The following N4BP2L1 variants were observed in gnomAD, a reference collection of about 807,000 sequenced individuals.
N4BP2L1 encodes NEDD4 binding protein 2 like 1, also known as NEDD4-binding protein 2-like 1.
A neutral mutation model predicts 21.2 loss-of-function variants in N4BP2L1; 12 were observed. The ratio of observed to expected loss-of-function variants is 0.57; its 90% confidence interval spans 0.36 to 0.92. N4BP2L1 has a LOEUF of 0.92. N4BP2L1 is among the 40% of genes least tolerant of loss of function. The pLI, the probability that N4BP2L1 is intolerant of heterozygous loss-of-function variation, is 0.01. For missense variants in N4BP2L1, 259 were observed against 310.6 expected (o/e 0.83, Z 1.25); for synonymous variants, 104 against 112.8 (o/e 0.92, Z 0.49).
In N4BP2L1 at chr13:32,402,007, C is replaced by G. The variant is rs2073154945; in HGVS notation, c.*935G>C. The G allele has an allele frequency of 1.0e-6, 1 of 985,304 alleles. No homozygotes were observed. The highest frequency in any genetic ancestry group is 1.7e-5 in the African/African-American group (1 of 57,246). 61.0% of individuals were successfully genotyped at this position (985,304 alleles called of 1,614,324 possible). On this transcript the variant is annotated 3_prime_UTR_variant, in exon 5 of 5. Transcript: ENST00000380130. ...AATGCCACATAAAACATCAACTGCT[C>G]ATTTTGTAATGAGCATGGCTTTTAT...
chr13:32,425,148 C>T (rs549140636), intron 1 of N4BP2L1: 1 of 152,260 alleles, frequency 6.6e-6, no homozygotes, highest in Non-Finnish European at 1.5e-5. Flanking sequence ...TACAGTTTTA[C>T]TATTTTCTAT....
In N4BP2L1 at chr13:32,401,157, C is replaced by CA. The variant is rs1396948258; in HGVS notation, c.*1784dup. The CA allele has an allele frequency of 6.6e-6, 1 of 152,140 alleles. No homozygotes were observed. The highest frequency in any genetic ancestry group is 1.5e-5 in the Non-Finnish European group (1 of 68,050). The allele number at this position is 152,140 out of a possible 1,614,324, so 9.4% of individuals were successfully genotyped here. ...GTCCTTTGAACCGCTCATGTGAAAT[C>CA]AAAGGATGGTAATTTCCACTTTGAG... is the stretch of plus-strand genomic sequence containing the variant. On this transcript the variant is annotated 3_prime_UTR_variant, in exon 5 of 5. Coordinates refer to ENST00000380130, the MANE Select transcript of N4BP2L1 (RefSeq NM_052818.3).
Position 32,401,543 on chromosome 13 carries a change from TC to T in N4BP2L1, c.*1398del, listed in dbSNP as rs1566267541. On this transcript the variant is annotated 3_prime_UTR_variant, in exon 5 of 5. Coordinates refer to ENST00000380130, the MANE Select transcript of N4BP2L1 (RefSeq NM_052818.3). ...GTTAAAACAGTCTCATGTACACAGA[TC>T]AAATATATAAGCAACTAAATTATAA... 1.3e-5 allele frequency: 2 copies of T among 152,238 alleles called. No individual in the cohort carries two copies. Among genetic ancestry groups the T allele is most frequent in the Non-Finnish European group, 2.9e-5 (2 of 68,034 alleles). The allele number at this position is 152,238 out of a possible 1,614,324, so 9.4% of individuals were successfully genotyped here. A position where few individuals can be genotyped will look rare whatever the true frequency, so the allele number is the denominator to read the frequency against.
At chr13:32,407,906 A>T in intron 1 of N4BP2L1, 134 bp from the exon 2 acceptor site, 1 of 991,584 alleles carries the variant, frequency 1.0e-6, no homozygotes, top group East Asian at 2.5e-5. Flanking sequence ...GTTAAAATGC[A>T]GTTTCAAAAG....
Position 32,428,009 on chromosome 13 carries a change from G to A in N4BP2L1, c.74C>T (p.Pro25Leu), listed in dbSNP as rs779266995. The A allele has an allele frequency of 3.8e-6, 6 of 1,560,352 alleles. No individual in the cohort carries two copies. The highest frequency in any genetic ancestry group is 1.4e-5 in the African/African-American group (1 of 71,226). Residue 25 changes from proline (P) to leucine (L), a missense_variant, in exon 1 of 5, where the codon CCG becomes CTG. Physicochemically the swap from Pro to Leu is moderately conservative, Grantham distance 98. Coordinates refer to ENST00000380130, the MANE Select transcript of N4BP2L1 (RefSeq NM_052818.3). Reference protein sequence around the residue: ...QPQQQQQRQRPPRPPPRGTPP... With the variant: ...QPQQQQQRQRLPRPPPRGTPP... ...TGTCCCCCGCGGGGGCGGCCGGGGCGGCCGCTGCCGCTGCTGCTGCTGCTG... is the reference window on the plus strand; with the variant it reads ...TGTCCCCCGCGGGGGCGGCCGGGGCAGCCGCTGCCGCTGCTGCTGCTGCTG...
At chr13:32,425,037 T>A (rs551097980) in intron 1 of N4BP2L1, 3 of 152,266 alleles carry the variant, frequency 2.0e-5, no homozygotes, top group East Asian at 1.9e-4. Flanking sequence ...AAGAAAAAAA[T>A]TTTTATTCTA....
chr13:32,403,335 T>C (rs1425272522), intron 4 of N4BP2L1, 135 bp from the exon 5 acceptor site: 1 of 909,760 alleles, frequency 1.1e-6, no homozygotes, highest in Admixed American at 2.9e-5. Context: ...ATAACAAACA[T>C]CTTGTTCAGC....
chr13:32,404,028 T>C (rs188451477), intron 4 of N4BP2L1, among the ~76,000 whole-genome samples: 2 of 152,338 alleles, frequency 1.3e-5, no homozygotes, highest in Admixed American at 1.3e-4. Flanking sequence ...CCCATGCAGA[T>C]AAAGTGCTTT....
At chr13:32,412,776 C>T (rs1277654280) in intron 1 of N4BP2L1, among the ~76,000 whole-genome samples, 1 of 152,122 alleles carries the variant, frequency 6.6e-6, no homozygotes, top group Non-Finnish European at 1.5e-5. Flanking sequence ...AAAATTAAGG[C>T]AGAGTGCCCT....
At chr13:32,418,136 C>G (rs1276089612) in intron 1 of N4BP2L1, among the ~76,000 whole-genome samples, 1 of 152,154 alleles carries the variant, frequency 6.6e-6, no homozygotes, top group Non-Finnish European at 1.5e-5. Context: ...TTCATGGCAG[C>G]CTCTCCCATC....
intron 1 of N4BP2L1, among the ~76,000 whole-genome samples, chr13:32,421,582 G>T (rs1276367931): frequency 2.0e-5 from 3 of 152,078 alleles, no homozygotes; most frequent in East Asian, 1.9e-4. Flanking sequence ...AAATAAAAAT[G>T]ACTACATCCC....
chr13:32,425,201 C>T (rs2074695075), intron 1 of N4BP2L1: 1 of 152,188 alleles, frequency 6.6e-6, no homozygotes, highest in Non-Finnish European at 1.5e-5. Context: ...TCTTCTTCCC[C>T]ACCCTACCTC....
intron 1 of N4BP2L1, among the ~76,000 whole-genome samples, chr13:32,409,309 A>G (rs1026628916): frequency 6.6e-6 from 1 of 152,270 alleles, no homozygotes; most frequent in African/African-American, 2.4e-5. Flanking sequence ...GGCAGCATAG[A>G]TCACTGAAAT....
chr13:32,421,414 T>C (rs955936219), intron 1 of N4BP2L1, among the ~76,000 whole-genome samples: 2 of 151,768 alleles, frequency 1.3e-5, no homozygotes, highest in Non-Finnish European at 2.9e-5. Flanking sequence ...ATCCTGGCTA[T>C]ACAATCATAC....
chr13:32,424,616 C>T lies in N4BP2L1; in HGVS notation c.179+3288G>A, dbSNP rs557380476. On this transcript the variant is annotated intron_variant, in intron 1 of 4. Transcript: ENST00000380130. ...AAGTGCTGGGATTACAGGCATGAGC[C>T]ACCGCTCCACCCTCCAATTATTTCT... is the stretch of plus-strand genomic sequence containing the variant. Among the ~76,000 whole-genome samples, 3 of 152,344 alleles carry T rather than the reference C, an allele frequency of 2.0e-5. No individual in the cohort carries two copies. The East Asian group carries it at 5.8e-4, about 29-fold the overall frequency.
intron 4 of N4BP2L1, among the ~76,000 whole-genome samples, chr13:32,404,039 T>C (rs2073318161): frequency 6.6e-6 from 1 of 152,232 alleles, no homozygotes; most frequent in Non-Finnish European, 1.5e-5. Flanking sequence ...AAAGTGCTTT[T>C]AAATGTTCCT....
At chr13:32,412,100 A>G (rs1416974418) in intron 1 of N4BP2L1, among the ~76,000 whole-genome samples, 1 of 151,630 alleles carries the variant, frequency 6.6e-6, no homozygotes, top group African/African-American at 2.4e-5. Flanking sequence ...CCCACATTGT[A>G]TTTGGTTGCC....
chr13:32,403,426 A>G (rs1285019701), intron 4 of N4BP2L1, among the ~76,000 whole-genome samples: 1 of 152,160 alleles, frequency 6.6e-6, no homozygotes, highest in Non-Finnish European at 1.5e-5. Context: ...AAGGAGCTAA[A>G]GCTTCAGAAA....
chr13:32,400,922 AT>A lies in N4BP2L1; in HGVS notation c.*2019del, dbSNP rs2073099203. On this transcript the variant is annotated 3_prime_UTR_variant, in exon 5 of 5. Transcript: ENST00000380130. ...TTCTACAGGGGATAAAGTTGATGGC[AT>A]TTAATCAATTTTTATGGTTTACAAA... 1 of 152,234 alleles carries A rather than the reference AT, an allele frequency of 6.6e-6. No homozygotes were observed. The highest frequency in any genetic ancestry group is 2.4e-5 in the African/African-American group (1 of 41,468). 9.4% of individuals were successfully genotyped at this position (152,234 alleles called of 1,614,324 possible). A position where few individuals can be genotyped will look rare whatever the true frequency, so the allele number is the denominator to read the frequency against.
Sources: allele counts gnomAD v4.1 joint callset (sites outside exome capture counted in the v4.1 genomes callset), GRCh38; gene constraint gnomAD v4.1.1; transcripts MANE v1.5; gene names NCBI Gene and HGNC (gene_info 2026-07-23, HGNC 2026-07-21).